PAX8: variants seen among roughly 807,000 people sequenced by gnomAD.
PAX8 encodes the protein paired box protein Pax-8.
A neutral mutation model predicts 52.4 loss-of-function variants in PAX8; 15 were observed. That is an observed-to-expected ratio of 0.29 (90% CI 0.19 to 0.44). PAX8 has a LOEUF of 0.44. PAX8 is among the 20% of genes least tolerant of loss of function. The pLI, the probability that PAX8 is intolerant of heterozygous loss-of-function variation, is 1.00. For synonymous variants in PAX8, 284 were observed against 249.7 expected, an observed-to-expected ratio of 1.14 and a Z score of -1.29; for missense variants, 554 against 602.5, an observed-to-expected ratio of 0.92 and a Z score of 0.84.
chr2:113,267,372 G>T (rs1693154608), intron 2 of PAX8: 1 of 152,234 alleles, frequency 6.6e-6, no homozygotes, highest in African/African-American at 2.4e-5. Flanking sequence ...GCAAATGACT[G>T]GCTGCCCCTG....
At chr2:113,231,366 C>G (rs1168229485) in intron 9 of PAX8, among the ~76,000 whole-genome samples, 1 of 152,240 alleles carries the variant, frequency 6.6e-6, no homozygotes, top group African/African-American at 2.4e-5. Context: ...CAGACTGGGG[C>G]TTCCAAAGGG....
chr2:113,271,763 A>G (rs1407744312), intron 2 of PAX8: 2 of 148,666 alleles, frequency 1.3e-5, no homozygotes, highest in Non-Finnish European at 3.0e-5. Flanking sequence ...GGAGCAGTGG[A>G]AAGGGGAATT....
chr2:113,226,648 T>G (rs1218986729), intron 10 of PAX8: 1 of 1,095,640 alleles, frequency 9.1e-7, no homozygotes, highest in Non-Finnish European at 1.1e-6. Context: ...AAGCATATAT[T>G]TCATCATCAT....
chr2:113,235,728 G>A lies in PAX8; in HGVS notation c.899-146C>T, dbSNP rs1175895892. ...CTCAGAGTCTGGGCTGGGGAGAGCC[G>A]GGGCCCACGAGGCGTGGCAAGGCGG... is the stretch of plus-strand genomic sequence containing the variant. On this transcript the variant is annotated intron_variant, in intron 8 of 11. Coordinates refer to ENST00000429538, the MANE Select transcript of PAX8 (RefSeq NM_003466.4). 5 of 630,274 alleles carry A rather than the reference G, an allele frequency of 7.9e-6. No individual in the cohort carries two copies. In the Admixed American group the frequency reaches 9.1e-5, roughly 11 times the overall value. The allele number at this position is 630,274 out of a possible 1,614,324, so 39.0% of individuals were successfully genotyped here. A position where few individuals can be genotyped will look rare whatever the true frequency, so the allele number is the denominator to read the frequency against.
intron 7 of PAX8, chr2:113,238,679 A>G (rs1255864200): frequency 2.0e-5 from 3 of 152,212 alleles, no homozygotes; most frequent in Admixed American, 6.5e-5. Flanking sequence ...CTGGTTCTGC[A>G]ATGACCTGCC....
intron 2 of PAX8, among the ~76,000 whole-genome samples, chr2:113,253,649 CTTTATA>C (rs1336933055): frequency 6.6e-6 from 1 of 152,206 alleles, no homozygotes; most frequent in Non-Finnish European, 1.5e-5. Context: ...CCTGCTCATC[CTTTATA>C]TTTCAGCACT....
rs1016935564 is a variant in PAX8 at position 113,217,731 on chromosome 2, G to A, written c.*802C>T. On this transcript the variant is annotated 3_prime_UTR_variant, in exon 12 of 12. Transcript: ENST00000429538. ...GCCTTGTTCTGCCCTGGGTGAAGCCGCACACCACACCTCACCTCCCAGGGG... is the reference window on the plus strand; with the variant it reads ...GCCTTGTTCTGCCCTGGGTGAAGCCACACACCACACCTCACCTCCCAGGGG... 11 of 232,234 alleles carry A rather than the reference G, an allele frequency of 4.7e-5. No individual in the cohort carries two copies. Among genetic ancestry groups the A allele is most frequent in the Admixed American group, 3.9e-4 (7 of 17,764 alleles). The allele number at this position is 232,234 out of a possible 1,614,324, so 14.4% of individuals were successfully genotyped here.
intron 2 of PAX8, chr2:113,271,155 T>G (rs905858531): frequency 6.6e-6 from 1 of 152,210 alleles, no homozygotes; most frequent in Non-Finnish European, 1.5e-5. Flanking sequence ...GCACCTCCAG[T>G]GGCCACCACT....
chr2:113,219,021 G>A (rs1309527764), intron 11 of PAX8, among the ~76,000 whole-genome samples: 4 of 152,176 alleles, frequency 2.6e-5, no homozygotes, highest in African/African-American at 9.7e-5. Flanking sequence ...TTAGACTGCT[G>A]AGGGGTCAAA....
At chr2:113,270,499 T>A (rs1172558006) in intron 2 of PAX8, 1 of 152,228 alleles carries the variant, frequency 6.6e-6, no homozygotes, top group African/African-American at 2.4e-5. Flanking sequence ...GCTTTCATCC[T>A]GGCTTCACGC....
chr2:113,269,570 A>G (rs1268844302), intron 2 of PAX8: 1 of 152,168 alleles, frequency 6.6e-6, no homozygotes, highest in African/African-American at 2.4e-5. Context: ...AGCAAAGCAA[A>G]GCTTAAGTCA....
chr2:113,235,900 T>C (rs1044209124), intron 8 of PAX8: 18 of 368,502 alleles, frequency 4.9e-5, no homozygotes, highest in Non-Finnish European at 7.9e-5. Context: ...TCGGCCCACC[T>C]TGAGGCCCGG....
rs142528001 is a variant in PAX8, at chr2:113,225,385, C to T, written c.1189+1770G>A. Among the ~76,000 whole-genome samples the T allele has an allele frequency of 3.1e-3, 473 of 152,236 alleles. 3 individuals carry two copies. Among genetic ancestry groups the T allele is most frequent in the African/African-American group, 8.8e-3 (364 of 41,536 alleles). On this transcript the variant is annotated intron_variant, in intron 10 of 11. Transcript: ENST00000429538. ...GGAGATTGCAAGCAGTGGTAAGAGA[C>T]GGACATAGAATTTTTCCACAAAAAA... is the stretch of plus-strand genomic sequence containing the variant.
At chr2:113,237,344 T>C (rs1259464628) in intron 7 of PAX8, 1 of 152,202 alleles carries the variant, frequency 6.6e-6, no homozygotes, top group Non-Finnish European at 1.5e-5. Context: ...GTGAGTAATA[T>C]TATGTCTGTG....
chr2:113,246,674 G>T, intron 3 of PAX8, 80 bp downstream of exon 3: 1 of 1,490,618 alleles, frequency 6.7e-7, no homozygotes, highest in Non-Finnish European at 9.2e-7. Context: ...CCTGGGAGGG[G>T]AATTCTCTAG....
Position 113,217,621 on chromosome 2 carries a change from C to T in PAX8, c.*912G>A. ...CTTCAGGGGGTGCCTTGGGTCCCTT[C>T]AGTAGCTGGTGGGCGTGAGCTGCAG... On this transcript the variant is annotated 3_prime_UTR_variant, in exon 12 of 12. Coordinates refer to ENST00000429538, the MANE Select transcript of PAX8 (RefSeq NM_003466.4). The T allele has an allele frequency of 4.3e-6, 1 of 231,698 alleles. No homozygotes were observed. Among genetic ancestry groups the T allele is most frequent in the Non-Finnish European group, 8.5e-6 (1 of 117,074 alleles). 14.4% of individuals were successfully genotyped at this position (231,698 alleles called of 1,614,324 possible). A position where few individuals can be genotyped will look rare whatever the true frequency, so the allele number is the denominator to read the frequency against.
At position 113,248,778 on chromosome 2, in the gene PAX8, G is replaced by A. The variant is rs1292109073; in HGVS notation, c.26-1859C>T. On this transcript the variant is annotated intron_variant, in intron 2 of 11. Transcript: ENST00000429538. ...GTTCGAGACCAGCCTGACCAACATG[G>A]TGAAACCCCATCTCTACTAAAAGTA... Among the ~76,000 whole-genome samples, 9 of 151,798 alleles carry A rather than the reference G, an allele frequency of 5.9e-5. No individual in the cohort carries two copies. In the East Asian group the frequency reaches 1.7e-3, roughly 29 times the overall value.
chr2:113,253,867 A>T (rs1324350681), intron 2 of PAX8, among the ~76,000 whole-genome samples: 4 of 152,118 alleles, frequency 2.6e-5, no homozygotes, highest in Admixed American at 2.6e-4. Context: ...GGGACTGGGG[A>T]GGTATCATAG....
chr2:113,225,094 T>C (rs1689488471), intron 10 of PAX8, among the ~76,000 whole-genome samples: 1 of 152,206 alleles, frequency 6.6e-6, no homozygotes, highest in African/African-American at 2.4e-5. Flanking sequence ...TGCTTTTGCT[T>C]CAGTTTCCTT....
Sources: gnomAD v4.1 joint callset for allele counts (sites outside exome capture counted in the v4.1 genomes callset) on GRCh38, gnomAD v4.1.1 for gene constraint, MANE v1.5 for transcripts, NCBI Gene and HGNC (gene_info 2026-07-23, HGNC 2026-07-21) for gene names.